Variants in PCNX3 observed in about 807,000 individuals in gnomAD.
PCNX3 encodes pecanex 3, also known as pecanex-like protein 3.
In PCNX3, 58 loss-of-function variants were observed where a neutral mutation model predicts 207.2. The observed-to-expected ratio is 0.28, with a 90% CI of 0.23 to 0.35. The LOEUF (loss-of-function observed/expected upper bound fraction) is 0.35, where lower values mean the gene tolerates loss of function less well. Ranked by LOEUF, PCNX3 falls within the 10% of genes least tolerant of loss-of-function variation. PCNX3 has a pLI of 1.00. For missense variants in PCNX3, 2,410 were observed against 2,774.4 expected (o/e 0.87, Z 2.95); for synonymous variants, 1,337 against 1,183.5 (o/e 1.13, Z -2.66).
At chr11:65,620,684 C>T in intron 9 of PCNX3, 147 bp from the exon 10 acceptor site, 4 of 1,152,736 alleles carry the variant, frequency 3.5e-6, no homozygotes, top group Non-Finnish European at 3.7e-6. Flanking sequence ...GGAGGCACTT[C>T]TGCCACCTGA....
intron 15 of PCNX3, 140 bp from the exon 16 acceptor site, chr11:65,624,785 G>A: frequency 1.0e-6 from 1 of 980,804 alleles, no homozygotes; most frequent in Non-Finnish European, 1.5e-6. Context: ...GGCCGCTTGG[G>A]GCTTGGGGCA....
intron 27 of PCNX3, 48 bp downstream of exon 27, chr11:65,630,652 G>C: frequency 6.3e-7 from 1 of 1,583,556 alleles, no homozygotes; most frequent in Non-Finnish European, 8.6e-7. Flanking sequence ...GCGGGTGAGC[G>C]CTCGCTGACC....
At position 65,619,086 on chromosome 11, in the gene PCNX3, G is replaced by A. The variant is rs775295400; in HGVS notation, c.1705+19G>A. 11 of 1,569,882 alleles carry A rather than the reference G, an allele frequency of 7.0e-6. No homozygotes were observed. Among genetic ancestry groups the A allele is most frequent in the African/African-American group, 1.3e-5 (1 of 74,456 alleles). ...GGGGGAGGTGAGTGCTTGCTCTAGA[G>A]GCAGGGGCTGGGGGACGTGAGCTAC... is the stretch of plus-strand genomic sequence containing the variant. On this transcript the variant is annotated intron_variant, in intron 6 of 34. Transcript: ENST00000355703.
chr11:65,627,429 G>C lies in PCNX3; in HGVS notation c.3549G>C (p.Val1183=). 6.2e-7 allele frequency: 1 copy of C among 1,611,508 alleles called. No homozygotes were observed. The highest frequency in any genetic ancestry group is 8.5e-7 in the Non-Finnish European group (1 of 1,179,848). The part of the protein sequence containing the change: ...CFYCRALLMT[V]AGLKLLRSAF... Reference sequence around the variant, plus strand: ...GCTGCCGGGCGCTGCTGATGACCGTGGCTGGGCTGAAGCTGCTGCGCTCAG... The same window carrying C: ...GCTGCCGGGCGCTGCTGATGACCGTCGCTGGGCTGAAGCTGCTGCGCTCAG... The change falls in exon 22 of 35, where the codon GTG becomes GTC. Residue 1183 remains valine (V), a synonymous_variant. Coordinates refer to ENST00000355703, the MANE Select transcript of PCNX3 (RefSeq NM_032223.4).
Position 65,618,071 on chromosome 11 carries a change from A to T in PCNX3, c.709A>T (p.Met237Leu). The change falls in exon 6 of 35, where the codon ATG becomes TTG. Residue 237 changes from methionine to leucine, a missense_variant. Coordinates refer to ENST00000355703, the MANE Select transcript of PCNX3 (RefSeq NM_032223.4). ...WSGSSMADTP[M>L]SPLLKGSLSQ... is the part of the protein sequence containing the mutation. ...TGGGAGCAGCATGGCTGACACTCCC[A>T]TGAGCCCCCTGCTGAAGGGGAGCCT... 6.2e-7 allele frequency: 1 copy of T among 1,607,924 alleles called. No homozygotes were observed. The highest frequency in any genetic ancestry group is 8.5e-7 in the Non-Finnish European group (1 of 1,177,722).
Position 65,620,972 on chromosome 11 carries a change from GAGC to G in PCNX3, c.2235+10_2235+12del. 1 of 1,532,358 alleles carries G rather than the reference GAGC, an allele frequency of 6.5e-7. No homozygotes were observed. Among genetic ancestry groups the G allele is most frequent in the Non-Finnish European group, 8.8e-7 (1 of 1,137,432 alleles). The allele number at this position is 1,532,358 out of a possible 1,614,324, so 94.9% of individuals were successfully genotyped here. ...TGCCCCTGGAGATCCCGGAGGTGAGGAGCAGCCGGGGAAGGGCCGTGCCAGTGG... is the reference window on the plus strand; with the variant it reads ...TGCCCCTGGAGATCCCGGAGGTGAGGAGCCGGGGAAGGGCCGTGCCAGTGG... On this transcript the variant is annotated splice_region_variant and intron_variant, in intron 10 of 34. Transcript: ENST00000355703.
At position 65,627,499 on chromosome 11, in the gene PCNX3, G is replaced by A. The variant is rs370105459; in HGVS notation, c.3619G>A (p.Val1207Ile). The A allele has an allele frequency of 3.5e-5, 57 of 1,613,690 alleles. No individual in the cohort carries two copies. The highest frequency in any genetic ancestry group is 5.5e-5 in the South Asian group (5 of 91,088). ...GCAGTACCTGACGTTGGCCTTCACC[G>A]TCCTGCTCTTCCACTTTGACTACCC... Reference protein sequence around the residue: ...PQQYLTLAFTVLLFHFDYPRL... With the variant: ...PQQYLTLAFTILLFHFDYPRL... Residue 1207 changes from valine to isoleucine, a missense_variant, in exon 22 of 35, where the codon GTC (valine) becomes ATC (isoleucine). By Grantham distance (29) the Val-to-Ile change is conservative. Coordinates refer to ENST00000355703, the MANE Select transcript of PCNX3 (RefSeq NM_032223.4).
intron 27 of PCNX3, among the ~76,000 whole-genome samples, chr11:65,631,680 G>A (rs1855622041): frequency 6.6e-6 from 1 of 152,066 alleles, no homozygotes; most frequent in Non-Finnish European, 1.5e-5. Context: ...GAATTTTGAG[G>A]CTTGTGGTGC....
chr11:65,626,171 C>T (rs942414791), intron 20 of PCNX3, 117 bp downstream of exon 20: 4 of 1,355,140 alleles, frequency 3.0e-6, no homozygotes, highest in Non-Finnish European at 4.1e-6. Flanking sequence ...GCTGCCCACA[C>T]TACCCTTTCT....
Position 65,636,578 on chromosome 11 carries a change from C to T in PCNX3, c.5781C>T (p.Leu1927=). 1 of 1,595,582 alleles carries T rather than the reference C, an allele frequency of 6.3e-7. No individual in the cohort carries two copies. The highest frequency in any genetic ancestry group is 8.5e-7 in the Non-Finnish European group (1 of 1,172,944). The change falls in exon 34 of 35, where the codon CTC becomes CTT. Residue 1927 remains leucine (L), a synonymous_variant. Coordinates refer to ENST00000355703, the MANE Select transcript of PCNX3 (RefSeq NM_032223.4). ...CACGGCCCCCTGGCCCGGGTCTCCT[C>T]AGTTCTGAGGGCCCCAGTGGAAAGT... ...RTSRPPGPGL[L]SSEGPSGKWS... is the part of the protein sequence containing the mutation.
At chr11:65,634,799 A>C (rs1034138541) in intron 29 of PCNX3, among the ~76,000 whole-genome samples, 158 bp downstream of exon 29, 5 of 151,860 alleles carry the variant, frequency 3.3e-5, no homozygotes, top group African/African-American at 1.2e-4. Flanking sequence ...CCTGGTCATG[A>C]CCTTGCCTGC....
chr11:65,635,678 C>T lies in PCNX3; in HGVS notation c.5334C>T (p.Gly1778=). ...ACTCCTCCTGTGACCAGCCGCTGGG[C>T]TACCCCATCTACGTGTCGCCTCTCA... is the stretch of plus-strand genomic sequence containing the variant. ...MINSSCDQPL[G]YPIYVSPLTT... Residue 1778 remains glycine (G), a synonymous_variant, in exon 32 of 35, where the codon GGC becomes GGT. Coordinates refer to ENST00000355703, the MANE Select transcript of PCNX3 (RefSeq NM_032223.4). This position sits in a 1 kb window ranked among gnomAD's most constrained non-coding sequence, Gnocchi z 9.9. The T allele has an allele frequency of 6.2e-7, 1 of 1,612,158 alleles. No individual in the cohort carries two copies. Among genetic ancestry groups the T allele is most frequent in the African/African-American group, 1.3e-5 (1 of 75,034 alleles).
intron 23 of PCNX3, 56 bp from the exon 24 acceptor site, chr11:65,628,763 G>T (rs1855503081): frequency 6.2e-7 from 1 of 1,602,344 alleles, no homozygotes; most frequent in South Asian, 1.1e-5. Flanking sequence ...GGGCAGTGGG[G>T]GGTGGTGGGG....
At chr11:65,629,494 A>G in intron 25 of PCNX3, 26 bp from the exon 26 acceptor site, 11 of 1,612,820 alleles carry the variant, frequency 6.8e-6, no homozygotes, top group Non-Finnish European at 9.3e-6. Context: ...CACTTTGTCC[A>G]TTTGCCCGTC....
chr11:65,616,774 T>C (rs1854754583), intron 1 of PCNX3, 50 bp from the exon 2 acceptor site: 2 of 1,571,596 alleles, frequency 1.3e-6, no homozygotes, highest in Non-Finnish European at 1.7e-6. Context: ...AGGTACATCC[T>C]GTGGGGGCGA....
rs1383105254 is a variant in PCNX3, at chr11:65,625,467, C to T, written c.3092C>T (p.Ala1031Val). The T allele has an allele frequency of 8.1e-6, 13 of 1,605,770 alleles. No individual in the cohort carries two copies. Among genetic ancestry groups the T allele is most frequent in the Non-Finnish European group, 1.1e-5 (13 of 1,179,322 alleles). Residue 1031 changes from alanine (A) to valine (V), a missense_variant, in exon 18 of 35, where the codon GCC becomes GTC. By Grantham distance (64) the Ala-to-Val change is moderately conservative (BLOSUM62 0). Coordinates refer to ENST00000355703, the MANE Select transcript of PCNX3 (RefSeq NM_032223.4). This position sits in a 1 kb window ranked among gnomAD's most constrained non-coding sequence, Gnocchi z 5.6. ...LEERSLETAR[A>V]EPPDPLPDKM... Reference sequence around the variant, plus strand: ...GAGCGCAGCTTGGAGACAGCCCGGGCCGAGCCCCCGGACCCCTTGCCGGAC... The same window carrying T: ...GAGCGCAGCTTGGAGACAGCCCGGGTCGAGCCCCCGGACCCCTTGCCGGAC...
intron 32 of PCNX3, 23 bp from the exon 33 acceptor site, chr11:65,636,151 C>A (rs1469271171): frequency 3.1e-6 from 5 of 1,588,406 alleles, no homozygotes; most frequent in Non-Finnish European, 4.3e-6. Flanking sequence ...CTCCTGATCC[C>A]TTTTCTACCT....
intron 8 of PCNX3, among the ~76,000 whole-genome samples, 158 bp downstream of exon 8, chr11:65,620,090 C>T (rs1855006201): frequency 6.6e-6 from 1 of 152,214 alleles, no homozygotes; most frequent in African/African-American, 2.4e-5. Flanking sequence ...GTGTCTCTGT[C>T]ATCTTTTGCT....
At position 65,625,592 on chromosome 11, in the gene PCNX3, T is replaced by TGCTGGGCAGCTGAGTGTCTCTCCTG; in HGVS notation, c.3136-57_3136-33dup. ...TGGGAGGGGCATGTCCAGCTTGGGC[T>TGCTGGGCAGCTGAGTGTCTCTCCTG]GCTGGGCAGCTGAGTGTCTCTCCTG... On this transcript the variant is annotated intron_variant, in intron 18 of 34. Coordinates refer to ENST00000355703, the MANE Select transcript of PCNX3 (RefSeq NM_032223.4). This position sits in a 1 kb window ranked among gnomAD's most constrained non-coding sequence, Gnocchi z 5.6. 6.3e-7 allele frequency: 1 copy of TGCTGGGCAGCTGAGTGTCTCTCCTG among 1,593,432 alleles called. No homozygotes were observed. Among genetic ancestry groups the TGCTGGGCAGCTGAGTGTCTCTCCTG allele is most frequent in the Non-Finnish European group, 8.6e-7 (1 of 1,169,320 alleles).
Sources: allele counts gnomAD v4.1 joint callset (sites outside exome capture counted in the v4.1 genomes callset), GRCh38; gene constraint gnomAD v4.1.1; non-coding constraint Gnocchi (gnomAD v3.1); transcripts MANE v1.5; gene names NCBI Gene and HGNC (gene_info 2026-07-23, HGNC 2026-07-21).